The following PTPRO variants were observed in gnomAD, a reference collection of about 807,000 sequenced individuals.
PTPRO encodes the protein receptor-type tyrosine-protein phosphatase O.
A neutral mutation model predicts 145.2 loss-of-function variants in PTPRO; 62 were observed. The observed-to-expected ratio is 0.43, with a 90% CI of 0.35 to 0.53. The LOEUF (loss-of-function observed/expected upper bound fraction) is 0.53, where lower values mean the gene tolerates loss of function less well. PTPRO is among the 20% of genes least tolerant of loss of function. PTPRO has a pLI of 0.01. For missense variants in PTPRO, 1,345 were observed against 1,482.7 expected (o/e 0.91, Z 1.53); for synonymous variants, 565 against 514.7 (o/e 1.10, Z -1.32).
At chr12:15,510,306 A>T (rs1942412549) in intron 7 of PTPRO, among the ~76,000 whole-genome samples, 2 of 152,206 alleles carry the variant, frequency 1.3e-5, no homozygotes, top group Non-Finnish European at 2.9e-5. Context: ...TGCTAAACCG[A>T]TTAACTAGTA....
intron 1 of PTPRO, chr12:15,439,689 C>G (rs1433285325): frequency 2.2e-5 from 10 of 457,854 alleles, no homozygotes; most frequent in African/African-American, 3.9e-5. Context: ...TGAGGCAAGG[C>G]CGAGGATGAG....
chr12:15,534,345 A>G (rs1943024472), intron 12 of PTPRO, among the ~76,000 whole-genome samples: 1 of 152,200 alleles, frequency 6.6e-6, no homozygotes, highest in South Asian at 2.1e-4. Context: ...CACATCACAA[A>G]TAGCTCTCTG....
intron 12 of PTPRO, among the ~76,000 whole-genome samples, chr12:15,526,611 T>C (rs1942844531): frequency 2.0e-5 from 3 of 152,164 alleles, no homozygotes; most frequent in Admixed American, 1.3e-4. Flanking sequence ...TATGTAATGC[T>C]CTCTTTAATA....
At position 15,411,420 on chromosome 12, in the gene PTPRO, T is replaced by A. The variant is rs561679378; in HGVS notation, c.76-72554T>A. 6.6e-5 allele frequency among the ~76,000 whole-genome samples: 10 copies of A among 152,380 alleles called. No homozygotes were observed. The East Asian group carries it at 1.7e-3, about 26-fold the overall frequency. ...AAAGAGCAGTCCCATTTTTTACTTATTTAAAGAATCCACATTCTTTGTTCT... is the reference window on the plus strand; with the variant it reads ...AAAGAGCAGTCCCATTTTTTACTTAATTAAAGAATCCACATTCTTTGTTCT... On this transcript the variant is annotated intron_variant, in intron 1 of 26. Transcript: ENST00000281171.
chr12:15,522,564 A>G (rs902739536), intron 10 of PTPRO, among the ~76,000 whole-genome samples: 6 of 152,162 alleles, frequency 3.9e-5, no homozygotes, highest in African/African-American at 1.2e-4. Flanking sequence ...TTACCTTCTT[A>G]TTTAAAGCAA....
At chr12:15,513,901 T>C (rs1942518985) in intron 7 of PTPRO, among the ~76,000 whole-genome samples, 1 of 152,166 alleles carries the variant, frequency 6.6e-6, no homozygotes, top group Non-Finnish European at 1.5e-5. Context: ...AAAGCATAAA[T>C]AAACCCCCAT....
chr12:15,342,252 C>A (rs1167377380), intron 1 of PTPRO, among the ~76,000 whole-genome samples: 1 of 152,132 alleles, frequency 6.6e-6, no homozygotes, highest in East Asian at 1.9e-4. Context: ...TGTCTAATGG[C>A]AACTATTTTT....
At chr12:15,335,617 T>C (rs1866737169) in intron 1 of PTPRO, among the ~76,000 whole-genome samples, 1 of 152,148 alleles carries the variant, frequency 6.6e-6, no homozygotes, top group Non-Finnish European at 1.5e-5. Context: ...AAAGCTTTGC[T>C]AAAATAATCA....
At position 15,526,276 on chromosome 12, in the gene PTPRO, A is replaced by T. The variant is rs980649065; in HGVS notation, c.2164+14A>T. ...TTGTCAAGCTAGGTAAGAAGAGTGC[A>T]CAGAGATGGGTGTGAAATAATCACT... On this transcript the variant is annotated intron_variant, in intron 12 of 26. Transcript: ENST00000281171. The T allele has an allele frequency of 4.3e-6, 7 of 1,613,210 alleles. No individual in the cohort carries two copies. In the Admixed American group the frequency reaches 1.2e-4, roughly 27 times the overall value.
At chr12:15,411,662 G>A (rs1034320737) in intron 1 of PTPRO, among the ~76,000 whole-genome samples, 1 of 152,126 alleles carries the variant, frequency 6.6e-6, no homozygotes, top group East Asian at 1.9e-4. Flanking sequence ...AGATCTTGCC[G>A]GACTTATTTG....
chr12:15,501,355 C>T (rs955832901), intron 4 of PTPRO, among the ~76,000 whole-genome samples: 1 of 151,926 alleles, frequency 6.6e-6, no homozygotes, highest in African/African-American at 2.4e-5. Flanking sequence ...GTTGAATTAC[C>T]ACTTCAACAA....
intron 5 of PTPRO, 51 bp from the exon 6 acceptor site, chr12:15,503,857 G>T: frequency 2.1e-6 from 3 of 1,460,398 alleles, no homozygotes; most frequent in Non-Finnish European, 2.9e-6. Flanking sequence ...TATACCCAGG[G>T]CCTTTCCAGG....
At chr12:15,386,729 C>T (rs2136281328) in intron 1 of PTPRO, among the ~76,000 whole-genome samples, 2 of 152,162 alleles carry the variant, frequency 1.3e-5, no homozygotes, top group Middle Eastern at 3.4e-3. Context: ...AGATAGCCTA[C>T]ATGAGAGTAA....
intron 1 of PTPRO, among the ~76,000 whole-genome samples, chr12:15,373,772 A>G (rs564220543): frequency 3.2e-4 from 48 of 152,314 alleles, no homozygotes; most frequent in African/African-American, 9.4e-4. Flanking sequence ...TTTCTCAGAT[A>G]CAAAGATGGT....
Position 15,327,264 on chromosome 12 carries a change from G to A in PTPRO, c.75+4463G>A, listed in dbSNP as rs1018764843. The stretch of plus-strand genomic sequence containing the variant: ...TCCCAGAAATGTAATATTCTCAGTT[G>A]CTCATTTATTCATTAATGTTACCTC... On this transcript the variant is annotated intron_variant, in intron 1 of 26. Transcript: ENST00000281171. Among the ~76,000 whole-genome samples the A allele has an allele frequency of 4.1e-4, 63 of 152,034 alleles. 3 individuals are homozygous for A. The highest frequency in any genetic ancestry group is 1.5e-5 in the Non-Finnish European group (1 of 68,002).
In PTPRO at chr12:15,589,580, T is replaced by C. The variant is rs1944503738; in HGVS notation, c.3536T>C (p.Val1179Ala). The change falls in exon 25 of 27, where the codon GTA (valine) becomes GCA (alanine). Residue 1179 changes from valine (V) to alanine (A), a missense_variant. Transcript: ENST00000281171. ...ATGAGGTCATACCGGATGTCTATGG[T>C]ACAGACAGAGGTAGGAACATAATCT... ...SEMRSYRMSM[V>A]QTEEQYIFIH... The C allele has an allele frequency of 6.2e-7, 1 of 1,613,952 alleles. No homozygotes were observed. The highest frequency in any genetic ancestry group is 1.7e-5 in the Admixed American group (1 of 59,998).
intron 1 of PTPRO, among the ~76,000 whole-genome samples, chr12:15,442,303 T>C (rs1940790198): frequency 6.6e-6 from 1 of 152,164 alleles, no homozygotes; most frequent in Admixed American, 6.5e-5. Context: ...CAATTTTTTG[T>C]GATAAAAACC....
At chr12:15,494,842 G>A (rs1214502707) in intron 2 of PTPRO, among the ~76,000 whole-genome samples, 2 of 152,188 alleles carry the variant, frequency 1.3e-5, no homozygotes, top group Non-Finnish European at 2.9e-5. Flanking sequence ...AAACCCTGAT[G>A]AGGATGTGAA....
intron 1 of PTPRO, among the ~76,000 whole-genome samples, chr12:15,367,844 G>A (rs1938409024): frequency 6.6e-6 from 1 of 152,156 alleles, no homozygotes; most frequent in Non-Finnish European, 1.5e-5. Context: ...CTGTTGTTGG[G>A]ATAACCACCA....
Sources: gnomAD v4.1 joint callset for allele counts (sites outside exome capture counted in the v4.1 genomes callset) on GRCh38, gnomAD v4.1.1 for gene constraint, MANE v1.5 for transcripts, NCBI Gene and HGNC (gene_info 2026-07-23, HGNC 2026-07-21) for gene names.